The following COL26A1 variants were observed in gnomAD, a reference collection of about 807,000 sequenced individuals.
The protein encoded by COL26A1 is collagen alpha-1(XXVI) chain.
In COL26A1, 41 loss-of-function variants were observed where a neutral mutation model predicts 59.3. The observed-to-expected ratio is 0.69, with a 90% CI of 0.54 to 0.90. COL26A1 has a LOEUF of 0.90. Among genes scored for constraint, COL26A1 ranks in the 40% least tolerant of loss-of-function variants. The pLI is 0.00. For missense variants in COL26A1, 612 were observed against 602.3 expected (o/e 1.02, Z -0.17); for synonymous variants, 266 against 256.0 (o/e 1.04, Z -0.37).
At chr7:101,426,413 G>A (rs1337144346) in intron 2 of COL26A1, among the ~76,000 whole-genome samples, 2 of 152,116 alleles carry the variant, frequency 1.3e-5, no homozygotes, top group Non-Finnish European at 2.9e-5. Context: ...AAGATCCTGG[G>A]ATCCTTTGAC....
In COL26A1 at chr7:101,416,232, A is replaced by G. The variant is rs867594873; in HGVS notation, c.159-3745A>G. Among the ~76,000 whole-genome samples the G allele has an allele frequency of 5.3e-4, 75 of 142,454 alleles. 3 individuals carry two copies. The highest frequency in any genetic ancestry group is 1.7e-3 in the African/African-American group (69 of 40,400). The allele number at this position is 142,454 out of a possible 152,430, so 93.5% of individuals were successfully genotyped here. On this transcript the variant is annotated intron_variant, in intron 1 of 12. Transcript: ENST00000313669. Reference sequence around the variant, plus strand: ...AACATAGCTAGACCCTGTTTCTACAAAAATGCAAAAGTTAGCCAGCATGTT... The same window carrying G: ...AACATAGCTAGACCCTGTTTCTACAGAAATGCAAAAGTTAGCCAGCATGTT...
At chr7:101,458,456 T>TCTCTACGA (rs1793529095) in intron 3 of COL26A1, among the ~76,000 whole-genome samples, 2 of 150,234 alleles carry the variant, frequency 1.3e-5, no homozygotes, top group Non-Finnish European at 3.0e-5. Context: ...GCCAACATGG[T>TCTCTACGA]GAAACCTCGT....
intron 3 of COL26A1, among the ~76,000 whole-genome samples, chr7:101,461,364 T>C (rs1793607278): frequency 6.6e-6 from 1 of 151,522 alleles, no homozygotes; most frequent in South Asian, 2.1e-4. Flanking sequence ...AATGACACGA[T>C]CTCAGCTCCC....
intron 2 of COL26A1, among the ~76,000 whole-genome samples, chr7:101,427,594 G>A (rs1020938851): frequency 3.3e-5 from 5 of 151,786 alleles, no homozygotes; most frequent in Non-Finnish European, 7.4e-5. Flanking sequence ...CCCAGGAGGC[G>A]GAGATTGCAG....
chr7:101,465,977 GCTAA>G (rs1793750397), intron 3 of COL26A1, among the ~76,000 whole-genome samples: 1 of 152,306 alleles, frequency 6.6e-6, no homozygotes, highest in East Asian at 1.9e-4. Flanking sequence ...TCCAGGACTT[GCTAA>G]CAACTTGCTA....
intron 3 of COL26A1, among the ~76,000 whole-genome samples, chr7:101,513,181 G>A (rs1204610527): frequency 6.6e-6 from 1 of 151,430 alleles, no homozygotes; most frequent in Admixed American, 6.6e-5. Flanking sequence ...TAATTTTTTT[G>A]TATTTTTGTA....
intron 3 of COL26A1, among the ~76,000 whole-genome samples, chr7:101,457,767 G>A (rs1446196995): frequency 1.3e-5 from 2 of 151,542 alleles, no homozygotes; most frequent in Admixed American, 1.3e-4. Flanking sequence ...TGTATGGTTT[G>A]TTTCACTTGC....
At chr7:101,487,162 T>C (rs1352234162) in intron 3 of COL26A1, among the ~76,000 whole-genome samples, 1 of 152,104 alleles carries the variant, frequency 6.6e-6, no homozygotes, top group Non-Finnish European at 1.5e-5. Context: ...CTGGGGCTGG[T>C]CACAGACACT....
At chr7:101,385,367 G>GTA (rs373941775) in intron 1 of COL26A1, among the ~76,000 whole-genome samples, 4,744 of 136,920 alleles carry the variant, frequency 0.035, 148 homozygotes, top group African/African-American at 0.073. Flanking sequence ...ATATATGTGT[G>GTA]TATATATATA....
chr7:101,456,391 C>A (rs6973991), intron 3 of COL26A1, among the ~76,000 whole-genome samples: 66,148 of 150,970 alleles, frequency 0.44, 15,204 homozygotes, highest in Middle Eastern at 0.54. Flanking sequence ...AAAAAAAATT[C>A]TGTCTGGGCG....
At chr7:101,513,953 G>C (rs1027588055) in intron 3 of COL26A1, among the ~76,000 whole-genome samples, 1 of 152,138 alleles carries the variant, frequency 6.6e-6, no homozygotes. Flanking sequence ...GGGCATGAAT[G>C]GGTATTTCCC....
chr7:101,362,525 C>T (rs989324166), upstream of COL26A1, among the ~76,000 whole-genome samples: 1 of 152,206 alleles, frequency 6.6e-6, no homozygotes, highest in Non-Finnish European at 1.5e-5. Flanking sequence ...TCTCCAGCCT[C>T]AGTTTCCACT....
chr7:101,408,514 G>T (rs1310962564), intron 1 of COL26A1, among the ~76,000 whole-genome samples: 1 of 152,186 alleles, frequency 6.6e-6, no homozygotes, highest in Non-Finnish European at 1.5e-5. Flanking sequence ...CAATGCAGGG[G>T]ATCTGGGTGG....
In COL26A1 at chr7:101,539,934, C is replaced by T; in HGVS notation, c.489C>T (p.Asp163=). 6.2e-7 allele frequency: 1 copy of T among 1,613,566 alleles called. No homozygotes were observed. The highest frequency in any genetic ancestry group is 1.1e-5 in the South Asian group (1 of 91,046). The part of the protein sequence containing the change: ...LEAAERPSSP[D]NDLPAPESTP... Reference sequence around the variant, plus strand: ...CAGCAGAACGGCCCTCCAGCCCGGACAACGACCTGCCAGCCCCCGAGAGCA... The same window carrying T: ...CAGCAGAACGGCCCTCCAGCCCGGATAACGACCTGCCAGCCCCCGAGAGCA... Residue 163 remains aspartate, a synonymous_variant, in exon 5 of 13, where the codon GAC becomes GAT. Coordinates refer to ENST00000313669, the MANE Select transcript of COL26A1 (RefSeq NM_001278563.3).
intron 3 of COL26A1, among the ~76,000 whole-genome samples, chr7:101,463,903 T>TTCTTTC (rs377202948): frequency 0.018 from 875 of 49,930 alleles, 15 homozygotes; most frequent in African/African-American, 0.057. Flanking sequence ...CTTTCTTTCT[T>TTCTTTC]TTTCTTTCTC....
chr7:101,539,967 G>A lies in COL26A1; in HGVS notation c.522G>A (p.Pro174=), dbSNP rs375342624. 9.3e-6 allele frequency: 15 copies of A among 1,613,282 alleles called. No individual in the cohort carries two copies. Among genetic ancestry groups the A allele is most frequent in the East Asian group, 8.9e-5 (4 of 44,838 alleles). Residue 174 remains proline, a synonymous_variant, in exon 5 of 13, where the codon CCG becomes CCA. Transcript: ENST00000313669. Reference sequence around the variant, plus strand: ...TGCCAGCCCCCGAGAGCACTCCGCCGACCTGGAATGAGGACTTCCTCCCCG... The same window carrying A: ...TGCCAGCCCCCGAGAGCACTCCGCCAACCTGGAATGAGGACTTCCTCCCCG... ...NDLPAPESTP[P]TWNEDFLPDA...
chr7:101,557,332 G>C, intron 12 of COL26A1, 38 bp from the exon 13 acceptor site: 3 of 1,586,008 alleles, frequency 1.9e-6, no homozygotes, highest in Non-Finnish European at 2.6e-6. Context: ...GTGTTCCTAA[G>C]GCTCTACCTC....
chr7:101,553,257 G>C lies in COL26A1; in HGVS notation c.1030-69G>C, dbSNP rs1326654858. 5 of 1,440,920 alleles carry C rather than the reference G, an allele frequency of 3.5e-6. No homozygotes were observed. In the Admixed American group the frequency reaches 8.7e-5, roughly 25 times the overall value. The allele number at this position is 1,440,920 out of a possible 1,614,324, so 89.3% of individuals were successfully genotyped here. On this transcript the variant is annotated intron_variant, in intron 10 of 12. Coordinates refer to ENST00000313669, the MANE Select transcript of COL26A1 (RefSeq NM_001278563.3). ...CCCCTGACTCCCTGCAGGCCCCCAG[G>C]GAACTGGAGAGGGTGGAGAGGTGCC...
At chr7:101,407,002 C>G (rs2130224902) in intron 1 of COL26A1, among the ~76,000 whole-genome samples, 1 of 152,282 alleles carries the variant, frequency 6.6e-6, no homozygotes, top group African/African-American at 2.4e-5. Flanking sequence ...TTCACCTCCT[C>G]TTTTCCAATA....
Sources: gnomAD v4.1 joint callset for allele counts (sites outside exome capture counted in the v4.1 genomes callset) on GRCh38, gnomAD v4.1.1 for gene constraint, MANE v1.5 for transcripts, NCBI Gene and HGNC (gene_info 2026-07-23, HGNC 2026-07-21) for gene names.